Variants in RBFOX1 observed in about 807,000 individuals in gnomAD.
RBFOX1 encodes RNA binding protein fox-1 homolog 1.
RBFOX1 carries 8 observed loss-of-function variants against 57.7 expected under a neutral mutation model. That is an observed-to-expected ratio of 0.14 (90% CI 0.08 to 0.25). The LOEUF (loss-of-function observed/expected upper bound fraction) is 0.25. Ranked by LOEUF, RBFOX1 falls within the 10% of genes least tolerant of loss-of-function variation. RBFOX1 has a pLI of 1.00. For synonymous variants in RBFOX1, 326 were observed against 222.4 expected, an observed-to-expected ratio of 1.47 and a Z score of -4.15; for missense variants, 611 against 548.5, an observed-to-expected ratio of 1.11 and a Z score of -1.14.
intron 1 of RBFOX1, among the ~76,000 whole-genome samples, chr16:5,465,379 C>A (rs930258787): frequency 6.6e-6 from 1 of 152,166 alleles, no homozygotes; most frequent in African/African-American, 2.4e-5. Context: ...TTAATCACCT[C>A]TTTAAAGGTC....
intron 1 of RBFOX1, among the ~76,000 whole-genome samples, chr16:6,042,747 G>A (rs767612199): frequency 2.4e-4 from 37 of 152,118 alleles, no homozygotes; most frequent in Admixed American, 1.4e-3. Flanking sequence ...GAAGTTATAG[G>A]CAAAGACAAA....
intron 10 of RBFOX1, among the ~76,000 whole-genome samples, chr16:7,617,343 T>C (rs1267299805): frequency 6.6e-6 from 1 of 152,214 alleles, no homozygotes; most frequent in African/African-American, 2.4e-5. Context: ...ATTTAGATTT[T>C]ATACAATTTT....
At chr16:7,569,508 C>A (rs897437487) in intron 5 of RBFOX1, among the ~76,000 whole-genome samples, 2 of 152,150 alleles carry the variant, frequency 1.3e-5, no homozygotes, top group African/African-American at 4.8e-5. Flanking sequence ...CTTCTCAGGA[C>A]CCTGGTGATT....
chr16:5,551,714 C>A (rs371056201), intron 2 of RBFOX1, among the ~76,000 whole-genome samples: 2 of 151,992 alleles, frequency 1.3e-5, no homozygotes, highest in Non-Finnish European at 2.9e-5. Context: ...TGGTAGTTTG[C>A]CGCACCTATG....
rs1246554167 is a variant in RBFOX1, at chr16:5,435,474, A to G, written c.220-31742A>G. ...GAGTAGGGCTATCCTGAAGGGAAAA[A>G]ACAGCCCACTACGATCCCTGGATCT... is the stretch of plus-strand genomic sequence containing the variant. On this transcript the variant is annotated intron_variant, in intron 1 of 2. Transcript: ENST00000585867. Among the ~76,000 whole-genome samples, 5 of 152,214 alleles carry G rather than the reference A, an allele frequency of 3.3e-5. No homozygotes were observed. In the East Asian group the frequency reaches 9.7e-4, roughly 29 times the overall value.
chr16:5,578,769 C>T lies in RBFOX1; in HGVS notation c.259-20133C>T, dbSNP rs565912052. ...GGCTAAATGAAGATAAAAATATCTC[C>T]ACCGGGCCAGGGTGTTTTTGCGCTT... is the stretch of plus-strand genomic sequence containing the variant. On this transcript the variant is annotated intron_variant, in intron 2 of 2. Transcript: ENST00000585867. 4.8e-4 allele frequency among the ~76,000 whole-genome samples: 73 copies of T among 151,938 alleles called. No individual in the cohort carries two copies. The South Asian group carries it at 5.2e-3, about 11-fold the overall frequency.
chr16:5,361,607 G>A (rs971937724), intron 1 of RBFOX1, among the ~76,000 whole-genome samples: 4 of 152,338 alleles, frequency 2.6e-5, no homozygotes, highest in South Asian at 2.1e-4. Flanking sequence ...AACATGGAGC[G>A]TGGGGCCTTG....
chr16:7,644,264 T>A (rs897786772), intron 11 of RBFOX1, among the ~76,000 whole-genome samples: 1 of 152,294 alleles, frequency 6.6e-6, no homozygotes, highest in South Asian at 2.1e-4. Flanking sequence ...ATGGTTCATA[T>A]GGTTTTGTGA....
intron 2 of RBFOX1, among the ~76,000 whole-genome samples, chr16:6,472,884 C>G (rs571268438): frequency 6.6e-6 from 1 of 152,220 alleles, no homozygotes; most frequent in African/African-American, 2.4e-5. Flanking sequence ...CTCGGCCTCC[C>G]AAAGTGCTGG....
At chr16:5,268,715 G>A (rs1285031860) in intron 1 of RBFOX1, among the ~76,000 whole-genome samples, 1 of 152,210 alleles carries the variant, frequency 6.6e-6, no homozygotes, top group East Asian at 1.9e-4. Context: ...AGTACCCATA[G>A]TTCATTTTCC....
chr16:5,730,521 C>G (rs1398071475), intron 3 of RBFOX1, among the ~76,000 whole-genome samples: 2 of 152,122 alleles, frequency 1.3e-5, no homozygotes, highest in East Asian at 3.9e-4. Flanking sequence ...AAGTATTTTT[C>G]TCTTTGGGAT....
chr16:7,248,841 T>C (rs1044952307), intron 4 of RBFOX1, among the ~76,000 whole-genome samples: 5 of 152,246 alleles, frequency 3.3e-5, no homozygotes, highest in African/African-American at 1.2e-4. Flanking sequence ...TTAGCTGTCA[T>C]CTATTTGTAA....
chr16:5,654,131 C>T (rs2049342186), intron 3 of RBFOX1, among the ~76,000 whole-genome samples: 1 of 152,186 alleles, frequency 6.6e-6, no homozygotes, highest in African/African-American at 2.4e-5. Context: ...CGAGCATGCA[C>T]CTGCTGTGTC....
chr16:6,501,824 G>C (rs1037229696), intron 2 of RBFOX1, among the ~76,000 whole-genome samples: 1 of 124,688 alleles, frequency 8.0e-6, no homozygotes, highest in Non-Finnish European at 1.7e-5. Flanking sequence ...GACACTGGGG[G>C]GAAATTCTTC....
intron 12 of RBFOX1, among the ~76,000 whole-genome samples, chr16:7,663,504 C>CGTGTGTGTGT (rs57358282): frequency 2.0e-3 from 296 of 148,952 alleles, no homozygotes; most frequent in Middle Eastern, 7.0e-3. Context: ...GTCAGTACAG[C>CGTGTGTGTGT]GTGTGTGTGT....
intron 1 of RBFOX1, among the ~76,000 whole-genome samples, chr16:6,211,705 A>G (rs568509183): frequency 3.9e-5 from 6 of 152,284 alleles, no homozygotes; most frequent in Non-Finnish European, 7.3e-5. Context: ...TAGGATAGCT[A>G]TTAAAAATGG....
chr16:7,531,530 G>T (rs1295985819), intron 5 of RBFOX1, among the ~76,000 whole-genome samples: 1 of 152,134 alleles, frequency 6.6e-6, no homozygotes, highest in East Asian at 1.9e-4. Context: ...GGCAGAGATG[G>T]GATTCAAAGG....
chr16:5,594,417 C>T (rs1219496469), intron 2 of RBFOX1, among the ~76,000 whole-genome samples: 2 of 120,542 alleles, frequency 1.7e-5, no homozygotes, highest in Non-Finnish European at 3.7e-5. Context: ...GCCTGTGACA[C>T]AGCCTCAGGA....
intron 4 of RBFOX1, among the ~76,000 whole-genome samples, chr16:7,103,960 G>A (rs550966406): frequency 7.2e-5 from 11 of 152,158 alleles, no homozygotes; most frequent in Admixed American, 1.3e-4. Flanking sequence ...CCAAGTATCC[G>A]TTGGTTTACA....
Sources: gnomAD v4.1 joint callset for allele counts (sites outside exome capture counted in the v4.1 genomes callset) on GRCh38, gnomAD v4.1.1 for gene constraint, MANE v1.5 for transcripts, NCBI Gene and HGNC (gene_info 2026-07-23, HGNC 2026-07-21) for gene names.